The following HIPK3 variants were observed in gnomAD, a reference collection of about 807,000 sequenced individuals.
HIPK3 encodes the protein homeodomain-interacting protein kinase 3.
HIPK3 carries 47 observed loss-of-function variants against 124.2 expected under a neutral mutation model. That is an observed-to-expected ratio of 0.38 (90% CI 0.30 to 0.48). The LOEUF (loss-of-function observed/expected upper bound fraction) is 0.48. HIPK3 is among the 20% of genes least tolerant of loss of function. The probability of loss-of-function intolerance (pLI) is 0.98; values close to 1 mark genes in which losing one functional copy is unlikely to be tolerated. For missense variants in HIPK3, 1,286 were observed against 1,454.3 expected (o/e 0.88, Z 1.88); for synonymous variants, 482 against 515.2 (o/e 0.94, Z 0.87).
intron 1 of HIPK3, among the ~76,000 whole-genome samples, chr11:33,275,133 G>A (rs551184620): frequency 3.9e-5 from 6 of 151,926 alleles, no homozygotes; most frequent in Non-Finnish European, 8.8e-5. Flanking sequence ...TCCGCCTCTC[G>A]AGCTCAAGTG....
intron 2 of HIPK3, among the ~76,000 whole-genome samples, chr11:33,295,277 G>GCCCCCC (rs34093915): frequency 8.4e-5 from 9 of 106,634 alleles, no homozygotes; most frequent in African/African-American, 1.1e-4. Context: ...AGCCACCACC[G>GCCCCCC]CCCCCCCCCC....
chr11:33,291,106 G>A (rs11605182), intron 2 of HIPK3, among the ~76,000 whole-genome samples: 10,071 of 152,142 alleles, frequency 0.066, 483 homozygotes, highest in Middle Eastern at 0.15. Context: ...CCTTAATCAG[G>A]TACTGTTTTA....
At chr11:33,291,636 C>T (rs375726641) in intron 2 of HIPK3, among the ~76,000 whole-genome samples, 9 of 152,142 alleles carry the variant, frequency 5.9e-5, no homozygotes, top group East Asian at 5.8e-4. Flanking sequence ...GTCAAGAACA[C>T]GTAGGGCTCT....
In HIPK3 at chr11:33,347,279, A is replaced by G. The variant is rs773116419; in HGVS notation, c.1898-14A>G. 1.2e-5 allele frequency: 19 copies of G among 1,601,486 alleles called. No homozygotes were observed. The highest frequency in any genetic ancestry group is 2.7e-5 in the African/African-American group (2 of 74,436). ...AGATTTTTTCTTTTATTTGATAACT[A>G]TTCTGTTTCACAGGTATTCCTGCAA... On this transcript the variant is annotated splice_polypyrimidine_tract_variant and intron_variant, in intron 8 of 16. Coordinates refer to ENST00000303296, the MANE Select transcript of HIPK3 (RefSeq NM_005734.5).
intron 1 of HIPK3, among the ~76,000 whole-genome samples, chr11:33,280,941 G>A (rs1851395568): frequency 6.6e-6 from 1 of 151,946 alleles, no homozygotes; most frequent in Admixed American, 6.6e-5. Context: ...TCAGATTTTA[G>A]TGTGACTCTA....
chr11:33,264,083 T>G (rs1453765075), intron 1 of HIPK3, among the ~76,000 whole-genome samples: 1 of 152,206 alleles, frequency 6.6e-6, no homozygotes, highest in Non-Finnish European at 1.5e-5. Flanking sequence ...TTCACCTTCT[T>G]CTGAGATAAA....
At chr11:33,329,210 A>AAT (rs1353822251) in intron 3 of HIPK3, among the ~76,000 whole-genome samples, 1 of 152,182 alleles carries the variant, frequency 6.6e-6, no homozygotes, top group Non-Finnish European at 1.5e-5. Context: ...TGTACTATTA[A>AAT]ACAGTGTTGT....
At chr11:33,282,322 CT>C (rs1164627358) in intron 1 of HIPK3, among the ~76,000 whole-genome samples, 1 of 151,864 alleles carries the variant, frequency 6.6e-6, no homozygotes, top group Non-Finnish European at 1.5e-5. Context: ...GAGGTCGAAG[CT>C]GCAGCAAGCC....
At chr11:33,292,978 C>A (rs1032729529) in intron 2 of HIPK3, among the ~76,000 whole-genome samples, 5 of 152,258 alleles carry the variant, frequency 3.3e-5, no homozygotes, top group Non-Finnish European at 7.4e-5. Flanking sequence ...ACCTTGTGAT[C>A]CACCCGCCTC....
intron 1 of HIPK3, among the ~76,000 whole-genome samples, chr11:33,278,969 C>G (rs978136675): frequency 6.6e-6 from 1 of 152,106 alleles, no homozygotes; most frequent in African/African-American, 2.4e-5. Context: ...AAGGAGAGTG[C>G]AAGGCATTAT....
At chr11:33,338,636 G>T in intron 4 of HIPK3, 121 bp from the exon 5 acceptor site, 2 of 501,166 alleles carry the variant, frequency 4.0e-6, no homozygotes, top group East Asian at 3.4e-5. Context: ...ATACATTTTT[G>T]ATAGTGTCTC....
At chr11:33,272,224 C>A (rs1383876780) in intron 1 of HIPK3, among the ~76,000 whole-genome samples, 2 of 151,964 alleles carry the variant, frequency 1.3e-5, no homozygotes, top group Admixed American at 6.6e-5. Flanking sequence ...ATGGTGAAAC[C>A]CCATCTCTAC....
At chr11:33,323,030 G>C (rs1852710188) in intron 2 of HIPK3, among the ~76,000 whole-genome samples, 1 of 152,084 alleles carries the variant, frequency 6.6e-6, no homozygotes, top group South Asian at 2.1e-4. Context: ...CCTGTTAACA[G>C]CTCATTTTTT....
intron 1 of HIPK3, 53 bp downstream of exon 1, chr11:33,257,942 C>T (rs1590328659): frequency 7.1e-6 from 7 of 985,236 alleles, no homozygotes; most frequent in Admixed American, 6.1e-5. Flanking sequence ...GGATCGGCTC[C>T]GTCTGCGGGC....
chr11:33,270,596 A>T (rs1036427798), intron 1 of HIPK3, among the ~76,000 whole-genome samples: 6 of 152,238 alleles, frequency 3.9e-5, no homozygotes, highest in African/African-American at 1.2e-4. Flanking sequence ...AATTGGAAAA[A>T]AAGCAGTCCA....
rs1397533253 is a variant in HIPK3 at position 33,281,182 on chromosome 11, G to A, written c.-2-5231G>A. Reference sequence around the variant, plus strand: ...CCTCCTGGGTTCAAGCGATTCTCCTGTCTCAGCCTCCCGAGTAGCTGGGAT... The same window carrying A: ...CCTCCTGGGTTCAAGCGATTCTCCTATCTCAGCCTCCCGAGTAGCTGGGAT... On this transcript the variant is annotated intron_variant, in intron 1 of 16. Coordinates refer to ENST00000303296, the MANE Select transcript of HIPK3 (RefSeq NM_005734.5). 2.7e-5 allele frequency among the ~76,000 whole-genome samples: 4 copies of A among 148,338 alleles called. No individual in the cohort carries two copies. In the East Asian group the frequency reaches 6.0e-4, roughly 22 times the overall value.
Position 33,339,619 on chromosome 11 carries a change from T to A in HIPK3, c.1613+85T>A, listed in dbSNP as rs1853270768. The A allele has an allele frequency of 3.0e-6, 3 of 1,002,990 alleles. No individual in the cohort carries two copies. In the South Asian group the frequency reaches 5.4e-5, roughly 18 times the overall value. The allele number at this position is 1,002,990 out of a possible 1,614,324, so 62.1% of individuals were successfully genotyped here. ...ACTGCATCAGAGAAATTACTTTTCTTCATTAAACACAAGTAACCTGAGTCA... is the reference window on the plus strand; with the variant it reads ...ACTGCATCAGAGAAATTACTTTTCTACATTAAACACAAGTAACCTGAGTCA... On this transcript the variant is annotated intron_variant, in intron 6 of 16. Transcript: ENST00000303296.
intron 4 of HIPK3, among the ~76,000 whole-genome samples, chr11:33,337,932 A>G (rs1853206930): frequency 1.3e-5 from 2 of 152,172 alleles, no homozygotes; most frequent in East Asian, 3.9e-4. Flanking sequence ...TTGGCCTCCC[A>G]AAGTGCTGGG....
At chr11:33,270,371 C>T (rs1382674448) in intron 1 of HIPK3, among the ~76,000 whole-genome samples, 7 of 151,288 alleles carry the variant, frequency 4.6e-5, no homozygotes, top group African/African-American at 1.5e-4. Context: ...TGCAATGGCA[C>T]GATCTTGGCT....
Sources: gnomAD v4.1 joint callset for allele counts (sites outside exome capture counted in the v4.1 genomes callset) on GRCh38, gnomAD v4.1.1 for gene constraint, MANE v1.5 for transcripts, NCBI Gene and HGNC (gene_info 2026-07-23, HGNC 2026-07-21) for gene names.